Variants in STARD13 observed in about 807,000 individuals in gnomAD.
STARD13 encodes stAR-related lipid transfer protein 13.
STARD13 carries 62 observed loss-of-function variants against 106.4 expected under a neutral mutation model. The observed-to-expected ratio is 0.58, with a 90% CI of 0.48 to 0.72. The LOEUF (loss-of-function observed/expected upper bound fraction) is 0.72, where lower values mean the gene tolerates loss of function less well. Among genes scored for constraint, STARD13 ranks in the 30% least tolerant of loss-of-function variants. The pLI, the probability that STARD13 is intolerant of heterozygous loss-of-function variation, is 0.00. For missense variants in STARD13, 1,387 were observed against 1,424.0 expected, an observed-to-expected ratio of 0.97 and a Z score of 0.42; for synonymous variants, 565 against 553.0, an observed-to-expected ratio of 1.02 and a Z score of -0.31.
At chr13:33,537,407 G>A in the STARD13 span, among the ~76,000 whole-genome samples, 2 of 152,214 alleles carry the variant, frequency 1.3e-5, no homozygotes, top group Non-Finnish European at 2.9e-5. Flanking sequence ...AACCCACTAT[G>A]TATCAGACAT....
At chr13:33,109,798 A>C in intron 12 of STARD13, 75 bp downstream of exon 12, 3 of 1,409,244 alleles carry the variant, frequency 2.1e-6, no homozygotes, top group East Asian at 2.3e-5. Context: ...GGGAGACACC[A>C]GGAGAAGTGC....
chr13:33,134,006 A>C (rs972617670), intron 4 of STARD13, among the ~76,000 whole-genome samples: 8 of 152,214 alleles, frequency 5.3e-5, no homozygotes, highest in Non-Finnish European at 1.2e-4. Flanking sequence ...TAAAATGGAA[A>C]TCTCTAGGAG....
chr13:33,587,014 G>C, the STARD13 span, among the ~76,000 whole-genome samples: 1 of 152,194 alleles, frequency 6.6e-6, no homozygotes, highest in South Asian at 2.1e-4. Context: ...AGGAGTTCGG[G>C]ATCAGCCTGA....
rs1032828923 is a variant in STARD13, at chr13:33,127,419, C to T, written c.1876G>A (p.Ala626Thr). Reference protein sequence around the residue: ...LQRFSLLRLTAIMEKHSMSNK... With the variant: ...LQRFSLLRLTTIMEKHSMSNK... Reference sequence around the variant, plus strand: ...GACATGGAGTGCTTCTCCATGATGGCCGTGAGGCGGAGCAGTGAGAAGCGC... The same window carrying T: ...GACATGGAGTGCTTCTCCATGATGGTCGTGAGGCGGAGCAGTGAGAAGCGC... Residue 626 changes from alanine (A) to threonine (T), a missense_variant, in exon 6 of 14, where the codon GCC becomes ACC. By Grantham distance (58) the Ala-to-Thr change is moderately conservative. Coordinates refer to ENST00000336934, the MANE Select transcript of STARD13 (RefSeq NM_178006.4). 1.2e-6 allele frequency: 2 copies of T among 1,605,088 alleles called. No homozygotes were observed. The highest frequency in any genetic ancestry group is 1.1e-5 in the South Asian group (1 of 90,588).
chr13:33,514,033 C>T, the STARD13 span, among the ~76,000 whole-genome samples: 2 of 152,148 alleles, frequency 1.3e-5, no homozygotes. Flanking sequence ...TAATCTGTCA[C>T]CTGTAGCTTG....
At chr13:33,139,371 C>T (rs1193304338) in intron 4 of STARD13, among the ~76,000 whole-genome samples, 2 of 152,186 alleles carry the variant, frequency 1.3e-5, no homozygotes, top group Admixed American at 6.5e-5. Context: ...GAGTTAAGGA[C>T]AAGGAATAGT....
the STARD13 span, among the ~76,000 whole-genome samples, chr13:33,542,925 C>A: frequency 1.3e-5 from 2 of 152,194 alleles, no homozygotes; most frequent in African/African-American, 4.8e-5. Flanking sequence ...TCCTTTCTCC[C>A]GCCCTGGACG....
At chr13:33,207,855 T>A (rs1482766623) in intron 1 of STARD13, among the ~76,000 whole-genome samples, 1 of 152,172 alleles carries the variant, frequency 6.6e-6, no homozygotes, top group Non-Finnish European at 1.5e-5. Context: ...GTGACAGGCA[T>A]CTGTGACCCT....
chr13:33,121,412 A>T (rs1255046356), intron 7 of STARD13, among the ~76,000 whole-genome samples: 1 of 151,888 alleles, frequency 6.6e-6, no homozygotes, highest in African/African-American at 2.4e-5. Flanking sequence ...ACTAAAAAAT[A>T]CAAAAATTAG....
the STARD13 span, among the ~76,000 whole-genome samples, chr13:33,406,558 T>C: frequency 6.6e-6 from 1 of 152,220 alleles, no homozygotes; most frequent in Non-Finnish European, 1.5e-5. Flanking sequence ...AGATTATTGA[T>C]TGTTTAATGT....
chr13:33,178,967 C>T (rs1464699030), intron 1 of STARD13, among the ~76,000 whole-genome samples: 2 of 152,074 alleles, frequency 1.3e-5, no homozygotes, highest in Non-Finnish European at 2.9e-5. Context: ...AGCAAATTTA[C>T]CAAAAGAGCA....
intron 1 of STARD13, among the ~76,000 whole-genome samples, chr13:33,180,034 G>A (rs532637072): frequency 2.6e-5 from 4 of 152,328 alleles, no homozygotes; most frequent in Admixed American, 1.3e-4. Context: ...ATTCTTACAC[G>A]ACAAGTATCT....
the STARD13 span, among the ~76,000 whole-genome samples, chr13:33,639,123 G>A: frequency 1.3e-5 from 2 of 152,140 alleles, no homozygotes; most frequent in Admixed American, 6.5e-5. Flanking sequence ...GAAACAAATG[G>A]ACAAATAAGA....
chr13:33,182,766 C>T (rs9536645), intron 1 of STARD13, among the ~76,000 whole-genome samples: 34,200 of 152,220 alleles, frequency 0.22, 4,847 homozygotes, highest in South Asian at 0.38. Context: ...AACCCAATAG[C>T]TCTCCTTGCT....
At chr13:33,359,237 A>T in the STARD13 span, among the ~76,000 whole-genome samples, 5,850 of 152,154 alleles carry the variant, frequency 0.038, 416 homozygotes, top group African/African-American at 0.13. Context: ...AACACTGCAA[A>T]GATCTGCAGC....
At chr13:33,550,917 A>G in the STARD13 span, among the ~76,000 whole-genome samples, 4 of 152,236 alleles carry the variant, frequency 2.6e-5, no homozygotes, top group African/African-American at 4.8e-5. Context: ...ATACTCTTCT[A>G]TAAGACATTT....
the STARD13 span, among the ~76,000 whole-genome samples, chr13:33,601,180 A>G: frequency 6.6e-6 from 1 of 150,670 alleles, no homozygotes; most frequent in African/African-American, 2.4e-5. Context: ...GTTAAATTCA[A>G]CCATTTTTTT....
chr13:33,625,550 C>T, the STARD13 span, among the ~76,000 whole-genome samples: 46 of 151,174 alleles, frequency 3.0e-4, no homozygotes, highest in South Asian at 5.0e-3. Flanking sequence ...AGCCTGGCGA[C>T]AGAGCGAGAC....
At chr13:33,252,005 T>C (rs1214318178) in intron 1 of STARD13, among the ~76,000 whole-genome samples, 1 of 152,162 alleles carries the variant, frequency 6.6e-6, no homozygotes, top group Non-Finnish European at 1.5e-5. Flanking sequence ...CCTAAAAGGC[T>C]AAAGATATAA....
Sources: allele counts gnomAD v4.1 joint callset (sites outside exome capture counted in the v4.1 genomes callset), GRCh38; gene constraint gnomAD v4.1.1; transcripts MANE v1.5; gene names NCBI Gene and HGNC (gene_info 2026-07-23, HGNC 2026-07-21).